Variants in KCNIP4 observed in about 807,000 individuals in gnomAD.
KCNIP4 encodes the protein potassium voltage-gated channel interacting protein 4.
In KCNIP4, 12 loss-of-function variants were observed where a neutral mutation model predicts 34.0. The ratio of observed to expected loss-of-function variants is 0.35; its 90% CI spans 0.23 to 0.57. KCNIP4 has a LOEUF of 0.57. Ranked by LOEUF, KCNIP4 falls within the 20% of genes least tolerant of loss-of-function variation. The pLI is 0.83. For missense variants in KCNIP4, 238 were observed against 311.7 expected (o/e 0.76, Z 1.78); for synonymous variants, 124 against 102.2 (o/e 1.21, Z -1.29).
At chr4:21,759,134 T>C (rs754462000) in intron 1 of KCNIP4, among the ~76,000 whole-genome samples, 5 of 152,168 alleles carry the variant, frequency 3.3e-5, no homozygotes, top group Non-Finnish European at 7.4e-5. Context: ...TAGAAATATG[T>C]TGAACTAAGC....
intron 1 of KCNIP4, among the ~76,000 whole-genome samples, chr4:21,610,652 G>A (rs1017701859): frequency 1.3e-5 from 2 of 151,964 alleles, no homozygotes; most frequent in Admixed American, 6.6e-5. Flanking sequence ...ATAAGAATAC[G>A]AAGTCATTTG....
chr4:21,369,651 T>C (rs1253913557), intron 1 of KCNIP4, among the ~76,000 whole-genome samples: 1 of 147,138 alleles, frequency 6.8e-6, no homozygotes, highest in East Asian at 2.0e-4. Flanking sequence ...GATGTTCAGA[T>C]GCTGAGCTAA....
chr4:20,941,402 G>C (rs1259495674), intron 1 of KCNIP4, among the ~76,000 whole-genome samples: 1 of 152,170 alleles, frequency 6.6e-6, no homozygotes, highest in East Asian at 1.9e-4. Flanking sequence ...CGAAGTAAAA[G>C]TTACGAAACA....
chr4:21,528,242 A>G (rs1295122351), intron 1 of KCNIP4, among the ~76,000 whole-genome samples: 1 of 152,050 alleles, frequency 6.6e-6, no homozygotes, highest in Non-Finnish European at 1.5e-5. Context: ...TTAGAGACTC[A>G]CCTGTGGCTC....
chr4:20,850,909 GT>G (rs1317756513), intron 2 of KCNIP4: 1 of 335,280 alleles, frequency 3.0e-6, no homozygotes, highest in Non-Finnish European at 5.4e-6. Context: ...CCCTAGCATT[GT>G]TTTAAGACAA....
intron 1 of KCNIP4, among the ~76,000 whole-genome samples, chr4:21,121,968 T>C (rs1341742368): frequency 6.6e-6 from 1 of 152,194 alleles, no homozygotes; most frequent in Non-Finnish European, 1.5e-5. Flanking sequence ...TATGTAAAAG[T>C]ATCAAAAATG....
chr4:21,193,299 C>A (rs190120173), intron 1 of KCNIP4, among the ~76,000 whole-genome samples: 226 of 152,192 alleles, frequency 1.5e-3, no homozygotes, highest in South Asian at 3.5e-3. Context: ...TTAAAGCTTT[C>A]TTTGTGTCAC....
chr4:20,871,760 CT>C (rs1406171894), intron 2 of KCNIP4, among the ~76,000 whole-genome samples: 1 of 152,038 alleles, frequency 6.6e-6, no homozygotes, highest in Non-Finnish European at 1.5e-5. Context: ...TCTTTGAGTT[CT>C]TTTTTCCTCT....
At chr4:21,285,911 A>G (rs1207609389) in intron 1 of KCNIP4, among the ~76,000 whole-genome samples, 1 of 152,214 alleles carries the variant, frequency 6.6e-6, no homozygotes, top group African/African-American at 2.4e-5. Context: ...AGCACTGCAC[A>G]AGGAGTTACC....
intron 1 of KCNIP4, among the ~76,000 whole-genome samples, chr4:21,687,797 G>A (rs758109760): frequency 1.3e-5 from 2 of 152,090 alleles, no homozygotes; most frequent in Non-Finnish European, 1.5e-5. Context: ...GGGTTCTTTT[G>A]GACTGGATGA....
intron 1 of KCNIP4, chr4:21,762,887 G>A (rs753836749): frequency 3.7e-5 from 46 of 1,258,352 alleles, no homozygotes; most frequent in Non-Finnish European, 4.7e-5. Context: ...TGGGAGGGGG[G>A]TGTAGGTGGA....
chr4:20,988,755 T>A (rs1736817997), intron 1 of KCNIP4, among the ~76,000 whole-genome samples: 1 of 152,236 alleles, frequency 6.6e-6, no homozygotes, highest in Non-Finnish European at 1.5e-5. Context: ...GCATAAGGGT[T>A]ATTTTCGATT....
rs574509007 is a variant in KCNIP4 at position 21,689,813 on chromosome 4, C to T, written c.61+258758G>A. ...CACCCTGGCCACTGATTCAGTCCTA[C>T]TCTCATATTTGTTCTTCCTGAAGTT... On this transcript the variant is annotated intron_variant, in intron 1 of 8. Transcript: ENST00000382152. Among the ~76,000 whole-genome samples, 8 of 152,174 alleles carry T rather than the reference C, an allele frequency of 5.3e-5. No homozygotes were observed. In the South Asian group the frequency reaches 1.7e-3, roughly 32 times the overall value.
chr4:21,933,558 A>G (rs538943438), intron 1 of KCNIP4, among the ~76,000 whole-genome samples: 2 of 152,208 alleles, frequency 1.3e-5, no homozygotes, highest in East Asian at 3.9e-4. Flanking sequence ...AAAACTCAGC[A>G]TACTCAGAAT....
intron 1 of KCNIP4, among the ~76,000 whole-genome samples, chr4:21,877,825 T>A (rs1401017044): frequency 6.6e-6 from 1 of 152,192 alleles, no homozygotes; most frequent in Non-Finnish European, 1.5e-5. Context: ...AGATATTAAA[T>A]CTTGGTCCAG....
intron 1 of KCNIP4, among the ~76,000 whole-genome samples, chr4:21,156,295 G>T (rs1421127775): frequency 1.3e-5 from 2 of 152,150 alleles, no homozygotes; most frequent in Non-Finnish European, 2.9e-5. Flanking sequence ...TTTGGTGAAT[G>T]CTCATGACTG....
chr4:21,742,444 T>A (rs1716476959), intron 1 of KCNIP4, among the ~76,000 whole-genome samples: 1 of 152,236 alleles, frequency 6.6e-6, no homozygotes, highest in African/African-American at 2.4e-5. Flanking sequence ...AAAGGAGACC[T>A]CTGATTCACT....
intron 1 of KCNIP4, chr4:21,304,071 G>GAGAGAGAGAC: frequency 3.0e-6 from 1 of 336,718 alleles, no homozygotes; most frequent in Non-Finnish European, 4.3e-6. Context: ...GAGAGAGACA[G>GAGAGAGAGAC]AGAGAGAGAG....
intron 1 of KCNIP4, among the ~76,000 whole-genome samples, chr4:21,337,187 G>A (rs1396128883): frequency 6.6e-6 from 1 of 152,084 alleles, no homozygotes; most frequent in Non-Finnish European, 1.5e-5. Context: ...GCTGGGAAGC[G>A]GAGAAGATGA....
Sources: allele counts gnomAD v4.1 joint callset (sites outside exome capture counted in the v4.1 genomes callset), GRCh38; gene constraint gnomAD v4.1.1; transcripts MANE v1.5; gene names NCBI Gene and HGNC (gene_info 2026-07-23, HGNC 2026-07-21).